The following TMPRSS7 variants were observed in gnomAD, a reference collection of about 807,000 sequenced individuals.
The protein encoded by TMPRSS7 is transmembrane serine protease 7.
A neutral mutation model predicts 95.6 loss-of-function variants in TMPRSS7; 81 were observed. The ratio of observed to expected loss-of-function variants is 0.85; its 90% CI spans 0.71 to 1.02. The LOEUF (loss-of-function observed/expected upper bound fraction) is 1.02. Among genes scored for constraint, TMPRSS7 ranks in the 50% least tolerant of loss-of-function variants. The pLI is 0.00. For synonymous variants in TMPRSS7, 364 were observed against 337.8 expected, an observed-to-expected ratio of 1.08 and a Z score of -0.85; for missense variants, 945 against 955.2, an observed-to-expected ratio of 0.99 and a Z score of 0.14.
At chr3:112,073,561 C>A (rs576197729) in intron 13 of TMPRSS7, among the ~76,000 whole-genome samples, 1 of 152,172 alleles carries the variant, frequency 6.6e-6, no homozygotes, top group East Asian at 1.9e-4. Context: ...CTGTTCATAT[C>A]CTTTGCCCAC....
intron 17 of TMPRSS7, among the ~76,000 whole-genome samples, chr3:112,079,799 T>C (rs528012369): frequency 6.6e-6 from 1 of 152,320 alleles, no homozygotes; most frequent in South Asian, 2.1e-4. Context: ...CATAAATTCA[T>C]TCCAATCATT....
chr3:112,077,669 T>C (rs1015825566), intron 16 of TMPRSS7, among the ~76,000 whole-genome samples: 2 of 152,034 alleles, frequency 1.3e-5, no homozygotes, highest in Admixed American at 6.5e-5. Flanking sequence ...AGGTTATACC[T>C]CCAGGATTTG....
chr3:112,055,987 T>C (rs185817937), intron 9 of TMPRSS7, among the ~76,000 whole-genome samples: 22 of 151,946 alleles, frequency 1.4e-4, no homozygotes, highest in South Asian at 1.0e-3. Context: ...AGCCCAGGAG[T>C]TCGAGACCAG....
rs143013717 is a variant in TMPRSS7 at position 112,064,452 on chromosome 3, G to A, written c.1555+820G>A. On this transcript the variant is annotated intron_variant, in intron 12 of 17. Transcript: ENST00000452346. ...CAGTCTTGTCTTCCTGGACTCAAGC[G>A]ATCCTCCCATGTCAGCCTCCTGAGT... Among the ~76,000 whole-genome samples, 1,015 of 151,996 alleles carry A rather than the reference G, an allele frequency of 6.7e-3. 7 individuals are homozygous for A. Among genetic ancestry groups the A allele is most frequent in the African/African-American group, 0.024 (988 of 41,410 alleles).
At chr3:112,044,226 C>T in intron 3 of TMPRSS7, 29 bp from the exon 4 acceptor site, 1 of 1,461,002 alleles carries the variant, frequency 6.8e-7, no homozygotes, top group South Asian at 1.2e-5. Context: ...GTATGAAATA[C>T]TTCAGATACC....
chr3:112,044,637 C>A (rs1384340747), intron 4 of TMPRSS7, among the ~76,000 whole-genome samples: 1 of 152,022 alleles, frequency 6.6e-6, no homozygotes, highest in Non-Finnish European at 1.5e-5. Context: ...AAGCACAGAC[C>A]ATGATTTCTT....
chr3:112,074,784 C>T (rs2073692189), intron 14 of TMPRSS7, among the ~76,000 whole-genome samples: 1 of 152,166 alleles, frequency 6.6e-6, no homozygotes, highest in South Asian at 2.1e-4. Context: ...TTTCTTTAGG[C>T]CTGACTCAAT....
chr3:112,063,440 T>A, intron 11 of TMPRSS7, 85 bp from the exon 12 acceptor site: 1 of 1,023,688 alleles, frequency 9.8e-7, no homozygotes, highest in Non-Finnish European at 1.5e-6. Context: ...CCTAACCACT[T>A]CACACTTTAA....
chr3:112,056,509 A>G (rs1438517900), intron 9 of TMPRSS7, among the ~76,000 whole-genome samples: 1 of 152,130 alleles, frequency 6.6e-6, no homozygotes, highest in Non-Finnish European at 1.5e-5. Flanking sequence ...ACACACACGC[A>G]CACACACACA....
chr3:112,041,378 C>CA (rs2073206318), intron 2 of TMPRSS7, among the ~76,000 whole-genome samples: 1 of 152,140 alleles, frequency 6.6e-6, no homozygotes, highest in African/African-American at 2.4e-5. Context: ...ATTCAGCCAT[C>CA]ATTTATTTAG....
intron 10 of TMPRSS7, 75 bp from the exon 11 acceptor site, chr3:112,061,712 G>C (rs2073507845): frequency 6.7e-7 from 1 of 1,485,640 alleles, no homozygotes; most frequent in Non-Finnish European, 9.1e-7. Flanking sequence ...CAAAGTATTA[G>C]AGAATTCACC....
chr3:112,076,843 T>G, intron 15 of TMPRSS7, 33 bp from the exon 16 acceptor site: 1 of 1,601,514 alleles, frequency 6.2e-7, no homozygotes, highest in Non-Finnish European at 8.5e-7. Context: ...TTCTTTAAGC[T>G]GCTAACTTTA....
chr3:112,069,962 T>C (rs772839552), intron 13 of TMPRSS7, among the ~76,000 whole-genome samples: 15 of 152,332 alleles, frequency 9.8e-5, no homozygotes, highest in Non-Finnish European at 2.1e-4. Flanking sequence ...CTTGTGGGTG[T>C]TTAGTGCAAC....
At chr3:112,063,435 C>T (rs1210070560) in intron 11 of TMPRSS7, 90 bp from the exon 12 acceptor site, 11 of 947,514 alleles carry the variant, frequency 1.2e-5, no homozygotes, top group Non-Finnish European at 1.9e-5. Context: ...AACTCCCTAA[C>T]CACTTCACAC....
chr3:112,076,952 A>G, exon 16 of TMPRSS7: 1 of 1,614,206 alleles, frequency 6.2e-7, no homozygotes, highest in Non-Finnish European at 8.5e-7. Context: ...CTCCCCGGTG[A>G]GAAGAATTGT....
At chr3:112,036,824 C>T (rs566402509) in intron 1 of TMPRSS7, among the ~76,000 whole-genome samples, 30 of 152,284 alleles carry the variant, frequency 2.0e-4, no homozygotes, top group East Asian at 1.9e-3. Context: ...GAAGATTTCA[C>T]GGACATTTAT....
In TMPRSS7 at chr3:112,045,691, G is replaced by A. The variant is rs576309342; in HGVS notation, c.498-59G>A. 1.0e-5 allele frequency: 15 copies of A among 1,456,356 alleles called. No homozygotes were observed. The South Asian group carries it at 1.6e-4, about 15-fold the overall frequency. 90.2% of individuals were successfully genotyped at this position (1,456,356 alleles called of 1,614,324 possible). On this transcript the variant is annotated intron_variant, in intron 4 of 17. Coordinates refer to ENST00000452346, the Ensembl canonical transcript of TMPRSS7. ...GCCTTACCTTGAATCCATCATCTGG[G>A]TATTTCTTCTCTGTAAAGTCCTATG...
At chr3:112,081,149 T>C in exon 18 of TMPRSS7, 3 of 1,503,422 alleles carry the variant, frequency 2.0e-6, no homozygotes, top group Non-Finnish European at 2.7e-6. Flanking sequence ...GATGCAGTAA[T>C]TGGCTGGGTG....
In TMPRSS7 at chr3:112,077,146, T is replaced by C; in HGVS notation, c.2224+2T>C. 1 of 1,613,450 alleles carries C rather than the reference T, an allele frequency of 6.2e-7. No individual in the cohort carries two copies. Among genetic ancestry groups the C allele is most frequent in the Non-Finnish European group, 8.5e-7 (1 of 1,179,696 alleles). The stretch of plus-strand genomic sequence containing the variant: ...GCTGGGGGCGAAGACACGAAGCAGG[T>C]GTGTGTATGAATGAATGGTCATGCC... On this transcript the variant is annotated splice_donor_variant, in intron 16 of 17. Coordinates refer to ENST00000452346, the Ensembl canonical transcript of TMPRSS7. LOFTEE classifies it high-confidence loss of function.
Sources: allele counts gnomAD v4.1 joint callset (sites outside exome capture counted in the v4.1 genomes callset), GRCh38; gene constraint gnomAD v4.1.1; transcripts MANE v1.5; gene names NCBI Gene and HGNC (gene_info 2026-07-23, HGNC 2026-07-21).